TRPM3: variants seen among roughly 807,000 people sequenced by gnomAD.
TRPM3 encodes transient receptor potential cation channel subfamily M member 3.
TRPM3 carries 77 observed loss-of-function variants against 181.2 expected under a neutral mutation model. The ratio of observed to expected loss-of-function variants is 0.42; its 90% CI spans 0.35 to 0.51. TRPM3 has a LOEUF of 0.51. TRPM3 is among the 20% of genes least tolerant of loss of function. TRPM3 has a pLI of 0.01. For missense variants in TRPM3, 1,759 were observed against 2,196.7 expected (o/e 0.80, Z 3.98); for synonymous variants, 745 against 796.4 (o/e 0.94, Z 1.09).
intron 1 of TRPM3, among the ~76,000 whole-genome samples, chr9:70,880,438 A>T (rs2095966991): frequency 6.6e-6 from 1 of 152,084 alleles, no homozygotes; most frequent in African/African-American, 2.4e-5. Context: ...TTTATTTCTT[A>T]GGTAGTTTTT....
intron 1 of TRPM3, among the ~76,000 whole-genome samples, chr9:71,001,092 G>A (rs562611056): frequency 6.6e-6 from 1 of 152,334 alleles, no homozygotes; most frequent in Non-Finnish European, 1.5e-5. Context: ...TGTAGCACTT[G>A]TTCAAGTGGT....
At chr9:71,107,291 T>G (rs1315964064) in intron 1 of TRPM3, among the ~76,000 whole-genome samples, 2 of 152,180 alleles carry the variant, frequency 1.3e-5, no homozygotes, top group Non-Finnish European at 2.9e-5. Flanking sequence ...TGCCTTTGCC[T>G]GTACTGCACC....
Position 70,575,102 on chromosome 9 carries a change from C to CTT in TRPM3, c.3223+15928_3223+15929insAA, listed in dbSNP as rs1287884579. On this transcript the variant is annotated intron_variant, in intron 22 of 25. Coordinates refer to ENST00000677713, the MANE Select transcript of TRPM3 (RefSeq NM_001366145.2). ...GACCACAGGTGTGTGCCACCACATC[C>CTT]CGCATAATTTTTTTTTTTTTTTTTG... 1.7e-3 allele frequency among the ~76,000 whole-genome samples: 218 copies of CTT among 127,208 alleles called. 1 individual carries two copies. The highest frequency in any genetic ancestry group is 1.5e-3 in the Non-Finnish European group (89 of 58,792). 83.5% of individuals were successfully genotyped at this position (127,208 alleles called of 152,430 possible).
chr9:71,292,106 G>A (rs1318983018), intron 1 of TRPM3, among the ~76,000 whole-genome samples: 2 of 151,952 alleles, frequency 1.3e-5, no homozygotes, highest in Non-Finnish European at 2.9e-5. Context: ...CTTCTAAAGA[G>A]CGCATGTAAA....
intron 3 of TRPM3, among the ~76,000 whole-genome samples, chr9:70,847,671 G>T (rs1290664086): frequency 9.1e-6 from 1 of 109,354 alleles, no homozygotes; most frequent in Non-Finnish European, 2.0e-5. Context: ...AATTAAATAA[G>T]CCTGATGCAC....
chr9:71,015,130 G>A (rs1293032240), intron 1 of TRPM3, among the ~76,000 whole-genome samples: 2 of 152,004 alleles, frequency 1.3e-5, no homozygotes, highest in African/African-American at 4.8e-5. Context: ...CTCTCCTGTT[G>A]CATTTGGTAC....
intron 1 of TRPM3, among the ~76,000 whole-genome samples, chr9:71,405,105 ACAC>A: frequency 6.6e-6 from 1 of 152,230 alleles, no homozygotes; most frequent in East Asian, 1.9e-4. Context: ...TCACATTCCA[ACAC>A]CTTGTATATT....
At chr9:71,020,752 G>A (rs2097841042) in intron 1 of TRPM3, among the ~76,000 whole-genome samples, 1 of 152,128 alleles carries the variant, frequency 6.6e-6, no homozygotes, top group Non-Finnish European at 1.5e-5. Context: ...AATTGATCAA[G>A]TAGAATTCTC....
intron 8 of TRPM3, 24 bp from the exon 9 acceptor site, chr9:70,681,602 A>C (rs1402201834): frequency 6.2e-7 from 1 of 1,605,756 alleles, no homozygotes. Flanking sequence ...CAAGGTGATC[A>C]TTAGCAAAGC....
intron 9 of TRPM3, among the ~76,000 whole-genome samples, chr9:70,645,358 G>GAT (rs200321632): frequency 0.059 from 8,909 of 152,098 alleles, 291 homozygotes; most frequent in South Asian, 0.1. Flanking sequence ...TACCAAAACA[G>GAT]ATATATATAT....
intron 1 of TRPM3, among the ~76,000 whole-genome samples, chr9:71,216,933 CTTTCTTTTTT>C (rs1174186050): frequency 1.6e-5 from 2 of 128,790 alleles, no homozygotes; most frequent in South Asian, 2.4e-4. Flanking sequence ...GTCAGTGGCC[CTTTCTTTTTT>C]TTTTTTTTTT....
intron 1 of TRPM3, among the ~76,000 whole-genome samples, chr9:71,295,860 G>A (rs1346862366): frequency 4.9e-5 from 6 of 121,278 alleles, no homozygotes; most frequent in Non-Finnish European, 9.0e-5. Context: ...AAAAAAAAAA[G>A]TTAAATGCTT....
chr9:71,221,767 G>T (rs2080255580), intron 1 of TRPM3, among the ~76,000 whole-genome samples: 1 of 152,162 alleles, frequency 6.6e-6, no homozygotes, highest in African/African-American at 2.4e-5. Flanking sequence ...TCTGGCAATG[G>T]CTAATTCCAG....
intron 21 of TRPM3, among the ~76,000 whole-genome samples, chr9:70,597,633 G>C (rs891436501): frequency 6.6e-6 from 1 of 152,180 alleles, no homozygotes; most frequent in Non-Finnish European, 1.5e-5. Context: ...CTGGAAACTG[G>C]TGTGTGGTCA....
At chr9:70,643,907 G>A (rs368999549) in intron 9 of TRPM3, among the ~76,000 whole-genome samples, 26 of 152,246 alleles carry the variant, frequency 1.7e-4, no homozygotes, top group African/African-American at 4.8e-4. Flanking sequence ...TTACTTATGC[G>A]TTCAAAGATA....
At chr9:71,414,709 T>C (rs2093611283) in intron 1 of TRPM3, among the ~76,000 whole-genome samples, 1 of 152,080 alleles carries the variant, frequency 6.6e-6, no homozygotes, top group African/African-American at 2.4e-5. Flanking sequence ...AGAGGCATGA[T>C]ACTAACTCAT....
At chr9:70,866,093 T>C (rs2095644919) in intron 1 of TRPM3, among the ~76,000 whole-genome samples, 1 of 152,106 alleles carries the variant, frequency 6.6e-6, no homozygotes, top group African/African-American at 2.4e-5. Context: ...TCTTTTTCTT[T>C]GTAAAAAGCC....
At chr9:70,698,576 A>G (rs1351655989) in intron 8 of TRPM3, among the ~76,000 whole-genome samples, 1 of 152,222 alleles carries the variant, frequency 6.6e-6, no homozygotes. Flanking sequence ...CTAGGTCTGC[A>G]GCAAGAGAAA....
intron 1 of TRPM3, among the ~76,000 whole-genome samples, chr9:70,906,918 A>T (rs2096474412): frequency 6.6e-6 from 1 of 152,120 alleles, no homozygotes; most frequent in African/African-American, 2.4e-5. Context: ...AATAATAATA[A>T]AATAAAAAAT....
Sources: allele counts gnomAD v4.1 joint callset (sites outside exome capture counted in the v4.1 genomes callset), GRCh38; gene constraint gnomAD v4.1.1; transcripts MANE v1.5; gene names NCBI Gene and HGNC (gene_info 2026-07-23, HGNC 2026-07-21).